The following TNNT3 variants were observed in gnomAD, a reference collection of about 807,000 sequenced individuals.
TNNT3 encodes troponin T3, fast skeletal type, also known as troponin T, fast skeletal muscle.
TNNT3 carries 36 observed loss-of-function variants against 54.2 expected under a neutral mutation model. The observed-to-expected ratio is 0.66, with a 90% confidence interval of 0.51 to 0.88. The LOEUF (loss-of-function observed/expected upper bound fraction) is 0.88. Among genes scored for constraint, TNNT3 ranks in the 40% least tolerant of loss-of-function variants. TNNT3 has a pLI of 0.00. For missense variants in TNNT3, 291 were observed against 331.6 expected (o/e 0.88, Z 0.95); for synonymous variants, 120 against 109.7 (o/e 1.09, Z -0.59).
chr11:1,922,460 C>T (rs552374489), intron 1 of TNNT3, among the ~76,000 whole-genome samples: 1 of 152,168 alleles, frequency 6.6e-6, no homozygotes, highest in Non-Finnish European at 1.5e-5. Flanking sequence ...ATCAGCGGGA[C>T]CTTTCCAGTG....
intron 8 of TNNT3, among the ~76,000 whole-genome samples, chr11:1,930,227 G>A (rs915811377): frequency 3.3e-5 from 5 of 152,134 alleles, no homozygotes; most frequent in Admixed American, 2.0e-4. Flanking sequence ...GAAGGAAGGC[G>A]GGGCAGCTGG....
At position 1,938,553 on chromosome 11, in the gene TNNT3, C is replaced by A. The variant is rs373461984; in HGVS notation, c.*61C>A. 1.3e-6 allele frequency: 2 copies of A among 1,526,512 alleles called. No individual in the cohort carries two copies. The highest frequency in any genetic ancestry group is 2.3e-5 in the East Asian group (1 of 43,388). 94.6% of individuals were successfully genotyped at this position (1,526,512 alleles called of 1,614,324 possible). Reference sequence around the variant, plus strand: ...CGCCCTCTTGCACACCAGGGCCGCTCGTGGGACTCCACATCCTCCAGCCCC... The same window carrying A: ...CGCCCTCTTGCACACCAGGGCCGCTAGTGGGACTCCACATCCTCCAGCCCC... On this transcript the variant is annotated 3_prime_UTR_variant, in exon 16 of 16. Transcript: ENST00000278317.
At chr11:1,935,062 C>T (rs1025208626) in intron 14 of TNNT3, 143 bp downstream of exon 14, 29 of 794,370 alleles carry the variant, frequency 3.7e-5, no homozygotes, top group Non-Finnish European at 5.0e-5. Context: ...GCTGTTGCCA[C>T]GGACCCCTGG....
intron 3 of TNNT3, among the ~76,000 whole-genome samples, 184 bp downstream of exon 3, chr11:1,923,245 C>A (rs892069957): frequency 6.6e-6 from 1 of 152,116 alleles, no homozygotes; most frequent in Non-Finnish European, 1.5e-5. Flanking sequence ...GTCTTTTCCC[C>A]GAAGTGTGGC....
Position 1,929,163 on chromosome 11 carries a change from G to T in TNNT3, c.106+20G>T, listed in dbSNP as rs372199645. The T allele has an allele frequency of 1.2e-5, 20 of 1,612,052 alleles. No homozygotes were observed. In the African/African-American group the frequency reaches 2.1e-4, roughly 17 times the overall value. On this transcript the variant is annotated intron_variant, in intron 7 of 15. Coordinates refer to ENST00000278317, the MANE Select transcript of TNNT3 (RefSeq NM_006757.4). ...CGGAAGGTAAGGGCCCGTCCCTGCC[G>T]CCGGAGGTGCAGGACCCTGGCTCTA...
At chr11:1,935,068 C>T (rs527662394) in intron 14 of TNNT3, 149 bp downstream of exon 14, 49 of 767,328 alleles carry the variant, frequency 6.4e-5, no homozygotes, top group Middle Eastern at 5.7e-4. Flanking sequence ...GCCACGGACC[C>T]CTGGCTGAGG....
At chr11:1,921,639 A>T (rs1192033440) in intron 1 of TNNT3, 2 of 152,330 alleles carry the variant, frequency 1.3e-5, no homozygotes, top group East Asian at 3.9e-4. Context: ...CATGGAGCTT[A>T]AGTTGCTCTG....
chr11:1,926,372 G>A lies in TNNT3; in HGVS notation c.68-323G>A, dbSNP rs532499566. 23 of 1,500,706 alleles carry A rather than the reference G, an allele frequency of 1.5e-5. No homozygotes were observed. The African/African-American group carries it at 2.1e-4, about 13-fold the overall frequency. The allele number at this position is 1,500,706 out of a possible 1,614,324, so 93.0% of individuals were successfully genotyped here. On this transcript the variant is annotated intron_variant, in intron 5 of 15. Transcript: ENST00000278317. ...CCGCACGCACCCCACCCTCGGCCTC[G>A]AGTGGCGACGGGCTTTTCCATTAAC...
intron 1 of TNNT3, among the ~76,000 whole-genome samples, chr11:1,922,114 C>T (rs1257400682): frequency 6.6e-6 from 1 of 152,164 alleles, no homozygotes; most frequent in Non-Finnish European, 1.5e-5. Flanking sequence ...CGGGGGGGTG[C>T]ACGGGAAGCG....
rs764226888 is a variant in TNNT3 at position 1,934,578 on chromosome 11, C to T, written c.513C>T (p.Ala171=). The T allele has an allele frequency of 5.0e-6, 8 of 1,609,736 alleles. No homozygotes were observed. Among genetic ancestry groups the T allele is most frequent in the Non-Finnish European group, 4.2e-6 (5 of 1,178,516 alleles). The change falls in exon 13 of 16, where the codon GCC becomes GCT. Residue 171 remains alanine, a synonymous_variant. Transcript: ENST00000278317. ...AGAAGAGAGGCAAGAAGCAGACAGC[C>T]CGGGAAATGAAGAAGAAGATTCTGG... The part of the protein sequence containing the change: ...ADQKRGKKQT[A]REMKKKILAE...
intron 6 of TNNT3, among the ~76,000 whole-genome samples, chr11:1,927,204 A>T (rs1226868975): frequency 6.6e-6 from 1 of 152,182 alleles, no homozygotes; most frequent in Non-Finnish European, 1.5e-5. Context: ...GCTGAGGCCC[A>T]AGGTGGGGAC....
chr11:1,922,395 G>GAGAC (rs1850312077), intron 1 of TNNT3, among the ~76,000 whole-genome samples: 1 of 152,140 alleles, frequency 6.6e-6, no homozygotes, highest in Non-Finnish European at 1.5e-5. Flanking sequence ...GGCTCCCAGG[G>GAGAC]AGACCCCACC....
chr11:1,929,662 G>A, intron 7 of TNNT3, 148 bp from the exon 8 acceptor site: 1 of 867,172 alleles, frequency 1.2e-6, no homozygotes. Flanking sequence ...CTTGTTTCTG[G>A]GGGTTGGGGG....
At chr11:1,925,911 G>A (rs1851450170) in intron 5 of TNNT3, among the ~76,000 whole-genome samples, 1 of 152,158 alleles carries the variant, frequency 6.6e-6, no homozygotes, top group Admixed American at 6.5e-5. Flanking sequence ...CACCCTTGGA[G>A]GGTGGAAAGA....
intron 5 of TNNT3, chr11:1,925,335 T>G: frequency 1.4e-6 from 2 of 1,459,828 alleles, no homozygotes; most frequent in Non-Finnish European, 1.9e-6. Context: ...CTGGAGCCCA[T>G]GTGGGGGTGG....
chr11:1,930,455 T>TG (rs1423849461), intron 8 of TNNT3, among the ~76,000 whole-genome samples: 1 of 152,078 alleles, frequency 6.6e-6, no homozygotes, highest in Non-Finnish European at 1.5e-5. Context: ...TGCTCCCCTT[T>TG]GGGGCAGAAT....
intron 9 of TNNT3, 98 bp downstream of exon 9, chr11:1,932,612 G>C (rs1368387235): frequency 3.0e-5 from 37 of 1,248,112 alleles, no homozygotes; most frequent in Non-Finnish European, 4.1e-5. Context: ...CAAGTAGCCA[G>C]AGCCGGGGCC....
intron 6 of TNNT3, 99 bp downstream of exon 6, chr11:1,926,808 C>T: frequency 6.6e-7 from 1 of 1,515,832 alleles, no homozygotes. Context: ...ACGTTTGCCA[C>T]CAACAACTGA....
At chr11:1,923,440 C>A in intron 3 of TNNT3, 115 bp from the exon 4 acceptor site, 1 of 1,144,326 alleles carries the variant, frequency 8.7e-7, no homozygotes. Flanking sequence ...CGCTCTTGGG[C>A]AGGGGCAGTC....
Sources: gnomAD v4.1 joint callset for allele counts (sites outside exome capture counted in the v4.1 genomes callset) on GRCh38, gnomAD v4.1.1 for gene constraint, MANE v1.5 for transcripts, NCBI Gene and HGNC (gene_info 2026-07-23, HGNC 2026-07-21) for gene names.